NPAS3: variants seen among roughly 807,000 people sequenced by gnomAD.
NPAS3 encodes neuronal PAS domain-containing protein 3.
A neutral mutation model predicts 73.1 loss-of-function variants in NPAS3; 14 were observed. That is an observed-to-expected ratio of 0.19 (90% CI 0.13 to 0.30). The LOEUF (loss-of-function observed/expected upper bound fraction) is 0.30, where lower values mean the gene tolerates loss of function less well. Ranked by LOEUF, NPAS3 falls within the 10% of genes least tolerant of loss-of-function variation. The pLI is 1.00. For missense variants in NPAS3, 1,096 were observed against 1,250.0 expected, an observed-to-expected ratio of 0.88 and a Z score of 1.86; for synonymous variants, 620 against 541.5, an observed-to-expected ratio of 1.14 and a Z score of -2.01.
intron 3 of NPAS3, among the ~76,000 whole-genome samples, chr14:33,243,710 C>T (rs1287396796): frequency 6.6e-6 from 1 of 151,798 alleles, no homozygotes; most frequent in East Asian, 1.9e-4. Flanking sequence ...CTACCTTTGG[C>T]ATTGGCCTAG....
intron 5 of NPAS3, among the ~76,000 whole-genome samples, chr14:33,577,769 G>A (rs1312238413): frequency 6.6e-6 from 1 of 152,188 alleles, no homozygotes; most frequent in Non-Finnish European, 1.5e-5. Flanking sequence ...GCCCCAAATA[G>A]CTTTACTCCA....
At chr14:33,695,828 A>C (rs1329479553) in intron 6 of NPAS3, among the ~76,000 whole-genome samples, 3 of 152,200 alleles carry the variant, frequency 2.0e-5, no homozygotes, top group African/African-American at 7.2e-5. Context: ...AAAATGACCT[A>C]AAACTTTAGC....
At chr14:33,783,608 C>T (rs111987863) in intron 9 of NPAS3, among the ~76,000 whole-genome samples, 1 of 119,956 alleles carries the variant, frequency 8.3e-6, no homozygotes, top group African/African-American at 3.2e-5. Flanking sequence ...TGTGGGGGGG[C>T]GGGTACCGGC....
In NPAS3 at chr14:33,417,367, A is replaced by G. The variant is rs2180956; in HGVS notation, c.468+50099A>G. Among the ~76,000 whole-genome samples the G allele has an allele frequency of 3.1e-3, 478 of 152,160 alleles. 4 individuals carry two copies. The highest frequency in any genetic ancestry group is 0.011 in the African/African-American group (451 of 41,544). On this transcript the variant is annotated intron_variant, in intron 4 of 11. Coordinates refer to ENST00000356141, the Ensembl canonical transcript of NPAS3. ...TCCTCTAAAATATAACTGCAATGTTATAACAGCCTGATCCGACATGGACCC... is the reference window on the plus strand; with the variant it reads ...TCCTCTAAAATATAACTGCAATGTTGTAACAGCCTGATCCGACATGGACCC...
chr14:33,629,223 A>G (rs1289367184), intron 5 of NPAS3, among the ~76,000 whole-genome samples: 1 of 148,494 alleles, frequency 6.7e-6, no homozygotes, highest in Non-Finnish European at 1.5e-5. Context: ...TGACAGAGCG[A>G]GACTCCATCT....
intron 5 of NPAS3, among the ~76,000 whole-genome samples, chr14:33,598,173 A>C (rs1025180219): frequency 2.0e-5 from 3 of 152,092 alleles, no homozygotes; most frequent in African/African-American, 7.2e-5. Context: ...AGGCTAACAC[A>C]CTCATCTTGA....
At chr14:32,950,747 A>G (rs1235376027) in intron 1 of NPAS3, among the ~76,000 whole-genome samples, 1 of 152,138 alleles carries the variant, frequency 6.6e-6, no homozygotes, top group Non-Finnish European at 1.5e-5. Context: ...ATTGAGACAT[A>G]GCCCTTTTTA....
At chr14:33,090,080 A>G (rs1311968117) in intron 2 of NPAS3, among the ~76,000 whole-genome samples, 1 of 152,228 alleles carries the variant, frequency 6.6e-6, no homozygotes, top group Non-Finnish European at 1.5e-5. Flanking sequence ...CTAGGAAGAA[A>G]CTGCATCAAC....
Position 33,676,284 on chromosome 14 carries a change from G to C in NPAS3, c.632G>C (p.Gly211Ala), listed in dbSNP as rs373628476. 7.2e-5 allele frequency: 116 copies of C among 1,613,464 alleles called. No individual in the cohort carries two copies. In the South Asian group the frequency reaches 1.2e-3, roughly 17 times the overall value. The change falls in exon 6 of 12, where the codon GGC (glycine) becomes GCC (alanine). Residue 211 changes from glycine (G) to alanine (A), a missense_variant. Physicochemically the swap from Gly to Ala is moderately conservative, Grantham distance 60. Transcript: ENST00000356141. ...CACGTGGAGATGGCTGAGCAGCTGGGCATGAAGCTCCCCCCTGGGCGGGGT... is the reference window on the plus strand; with the variant it reads ...CACGTGGAGATGGCTGAGCAGCTGGCCATGAAGCTCCCCCCTGGGCGGGGT...
intron 2 of NPAS3, among the ~76,000 whole-genome samples, chr14:33,096,966 G>A (rs111902629): frequency 4.6e-5 from 7 of 152,296 alleles, no homozygotes; most frequent in African/African-American, 1.4e-4. Context: ...CTGACAGTTT[G>A]AAATAAAAAT....
chr14:33,196,389 T>C (rs903603936), intron 2 of NPAS3, among the ~76,000 whole-genome samples: 1 of 152,346 alleles, frequency 6.6e-6, no homozygotes, highest in East Asian at 1.9e-4. Flanking sequence ...GTGACAAGGA[T>C]GTAAGTATCC....
chr14:33,253,810 T>A (rs2139909601), intron 3 of NPAS3, among the ~76,000 whole-genome samples: 1 of 152,128 alleles, frequency 6.6e-6, no homozygotes, highest in East Asian at 1.9e-4. Flanking sequence ...CTACTTTAGA[T>A]TTCTCTCTGG....
chr14:33,484,734 A>C (rs1313646486), intron 4 of NPAS3, among the ~76,000 whole-genome samples: 1 of 152,202 alleles, frequency 6.6e-6, no homozygotes, highest in Non-Finnish European at 1.5e-5. Context: ...GTTCAGTGTG[A>C]GGAAAAGATT....
chr14:33,038,634 TG>T (rs1379525394), intron 1 of NPAS3, among the ~76,000 whole-genome samples: 1 of 152,146 alleles, frequency 6.6e-6, no homozygotes, highest in Non-Finnish European at 1.5e-5. Context: ...CCATGATAGT[TG>T]GATAGCATTT....
chr14:33,434,960 C>A (rs759806350), intron 4 of NPAS3, among the ~76,000 whole-genome samples: 2 of 152,044 alleles, frequency 1.3e-5, no homozygotes, highest in Non-Finnish European at 2.9e-5. Flanking sequence ...AGATGGGAAC[C>A]TATACACATA....
rs73272406 is a variant in NPAS3 at position 33,168,495 on chromosome 14, A to T, written c.141-46687A>T. On this transcript the variant is annotated intron_variant, in intron 2 of 11. Coordinates refer to ENST00000356141, the Ensembl canonical transcript of NPAS3. ...TCTGAGGAGGTAATTTGTAATTTTTAAAAAAGCTTTTGAGCTTACTTGGAG... is the reference window on the plus strand; with the variant it reads ...TCTGAGGAGGTAATTTGTAATTTTTTAAAAAGCTTTTGAGCTTACTTGGAG... 8.4e-3 allele frequency among the ~76,000 whole-genome samples: 1,276 copies of T among 152,310 alleles called. 25 individuals carry two copies. Among genetic ancestry groups the T allele is most frequent in the African/African-American group, 0.03 (1,228 of 41,554 alleles).
At chr14:33,352,900 AAGTT>A (rs1433211107) in intron 3 of NPAS3, among the ~76,000 whole-genome samples, 1 of 152,222 alleles carries the variant, frequency 6.6e-6, no homozygotes, top group African/African-American at 2.4e-5. Context: ...GAATAAAAGT[AAGTT>A]AGTTCAAGAA....
At chr14:33,160,965 A>T (rs967434060) in intron 2 of NPAS3, among the ~76,000 whole-genome samples, 2 of 152,180 alleles carry the variant, frequency 1.3e-5, no homozygotes, top group Non-Finnish European at 2.9e-5. Context: ...TATGGTACTG[A>T]GCATACTTTG....
At chr14:33,137,265 A>G (rs1451133871) in intron 2 of NPAS3, among the ~76,000 whole-genome samples, 1 of 152,190 alleles carries the variant, frequency 6.6e-6, no homozygotes, top group Non-Finnish European at 1.5e-5. Context: ...TTGGACTATT[A>G]TAGTGAAAAT....
Sources: gnomAD v4.1 joint callset for allele counts (sites outside exome capture counted in the v4.1 genomes callset) on GRCh38, gnomAD v4.1.1 for gene constraint, MANE v1.5 for transcripts, NCBI Gene and HGNC (gene_info 2026-07-23, HGNC 2026-07-21) for gene names.